SLC11A2: variants seen among roughly 807,000 people sequenced by gnomAD.
The protein encoded by SLC11A2 is natural resistance-associated macrophage protein 2.
In SLC11A2, 38 loss-of-function variants were observed where a neutral mutation model predicts 68.0. The ratio of observed to expected loss-of-function variants is 0.56; its 90% CI spans 0.43 to 0.73. SLC11A2 has a LOEUF of 0.73. SLC11A2 is among the 30% of genes least tolerant of loss of function. The pLI, the probability that SLC11A2 is intolerant of heterozygous loss-of-function variation, is 0.00. For missense variants in SLC11A2, 517 were observed against 690.5 expected (o/e 0.75, Z 2.82); for synonymous variants, 242 against 250.6 (o/e 0.97, Z 0.32).
intron 1 of SLC11A2, chr12:51,025,936 GCCC>G: frequency 2.0e-6 from 2 of 999,050 alleles, no homozygotes; most frequent in Non-Finnish European, 2.4e-6. Context: ...CTTGCCCTGT[GCCC>G]GTCGGCCTCT....
chr12:50,954,169 A>T, the SLC11A2 span: 1 of 847,796 alleles, frequency 1.2e-6, no homozygotes. Flanking sequence ...TGCGGATTGA[A>T]ATGTTTCTTA....
intron 15 of SLC11A2, among the ~76,000 whole-genome samples, chr12:50,989,645 G>A (rs1011955341): frequency 6.6e-6 from 1 of 152,120 alleles, no homozygotes; most frequent in African/African-American, 2.4e-5. Context: ...GACACATTCA[G>A]TTACTTGGTT....
Position 50,986,192 on chromosome 12 carries a change from AT to A in SLC11A2, c.*2132del. On this transcript the variant is annotated 3_prime_UTR_variant, in exon 16 of 16. Coordinates refer to ENST00000262052, the MANE Select transcript of SLC11A2 (RefSeq NM_000617.3). Reference sequence around the variant, plus strand: ...TCACATTTAAGAAGAACAAGAACCAATTTATATAAAGTACAATTGTATATCC... The same window carrying A: ...TCACATTTAAGAAGAACAAGAACCAATTATATAAAGTACAATTGTATATCC... 1 of 1,284,472 alleles carries A rather than the reference AT, an allele frequency of 7.8e-7. No homozygotes were observed. Among genetic ancestry groups the A allele is most frequent in the South Asian group, 1.2e-5 (1 of 80,824 alleles). The allele number at this position is 1,284,472 out of a possible 1,614,324, so 79.6% of individuals were successfully genotyped here. A position where few individuals can be genotyped will look rare whatever the true frequency, so the allele number is the denominator to read the frequency against.
intron 1 of SLC11A2, among the ~76,000 whole-genome samples, chr12:51,010,981 G>C (rs557430152): frequency 1.2e-4 from 19 of 152,284 alleles, no homozygotes; most frequent in African/African-American, 4.1e-4. Context: ...TTGCTGGCAA[G>C]ACTTCAAAAC....
chr12:50,983,561 G>C (rs1300985015), downstream of SLC11A2, among the ~76,000 whole-genome samples: 2 of 152,144 alleles, frequency 1.3e-5, no homozygotes, highest in South Asian at 2.1e-4. Flanking sequence ...AGTACAGCCA[G>C]GCACAGTGGC....
At chr12:50,969,690 A>G in the SLC11A2 span, among the ~76,000 whole-genome samples, 22,452 of 150,604 alleles carry the variant, frequency 0.15, 1,877 homozygotes, top group South Asian at 0.26. Context: ...TGACAAGAGC[A>G]AGACTCCATC....
At position 50,987,339 on chromosome 12, in the gene SLC11A2, G is replaced by A. The variant is rs886049561; in HGVS notation, c.*986C>T. The A allele has an allele frequency of 7.8e-7, 1 of 1,287,234 alleles. No homozygotes were observed. Among genetic ancestry groups the A allele is most frequent in the Admixed American group, 2.3e-5 (1 of 43,560 alleles). 79.7% of individuals were successfully genotyped at this position (1,287,234 alleles called of 1,614,324 possible). Reference sequence around the variant, plus strand: ...GAGATTGCCTCGCAAGTCATCTTGGGCATGAAGCAGAGCGGTGCATCAGAA... The same window carrying A: ...GAGATTGCCTCGCAAGTCATCTTGGACATGAAGCAGAGCGGTGCATCAGAA... On this transcript the variant is annotated 3_prime_UTR_variant, in exon 16 of 16. Coordinates refer to ENST00000262052, the MANE Select transcript of SLC11A2 (RefSeq NM_000617.3).
At chr12:51,018,427 G>A (rs1943813582) in intron 1 of SLC11A2, among the ~76,000 whole-genome samples, 1 of 148,504 alleles carries the variant, frequency 6.7e-6, no homozygotes, top group Non-Finnish European at 1.5e-5. Context: ...ACAGAAAACT[G>A]CCCCTAAGAA....
At chr12:50,993,765 T>C (rs145723461) in intron 11 of SLC11A2, among the ~76,000 whole-genome samples, 3 of 151,180 alleles carry the variant, frequency 2.0e-5, no homozygotes, top group African/African-American at 7.3e-5. Context: ...AAGGCAGAGA[T>C]TGCAGTGAGC....
intron 3 of SLC11A2, among the ~76,000 whole-genome samples, chr12:51,007,855 G>T (rs1274718341): frequency 6.6e-6 from 1 of 151,816 alleles, no homozygotes; most frequent in African/African-American, 2.4e-5. Context: ...TGGCCAGGCG[G>T]GTCTTAAACT....
chr12:50,992,636 T>A (rs199710497), intron 12 of SLC11A2, among the ~76,000 whole-genome samples, 174 bp downstream of exon 12: 1 of 147,942 alleles, frequency 6.8e-6, no homozygotes, highest in African/African-American at 2.5e-5. Flanking sequence ...GGAGGCTGAG[T>A]CAGGAGAATC....
chr12:51,004,728 G>A (rs41439649), intron 5 of SLC11A2, 60 bp downstream of exon 5: 216,567 of 1,595,564 alleles, frequency 0.14, 15,879 homozygotes, highest in South Asian at 0.17. Context: ...AGCACATACC[G>A]CCAGACACAC....
chr12:51,005,296 G>A lies in SLC11A2; in HGVS notation c.309+15C>T. On this transcript the variant is annotated intron_variant, in intron 4 of 15. Transcript: ENST00000262052. ...TTATGTGCTTAAAAGGACAGGGGTAGGACTAGATGTTCACCTTAAATCCAG... is the reference window on the plus strand; with the variant it reads ...TTATGTGCTTAAAAGGACAGGGGTAAGACTAGATGTTCACCTTAAATCCAG... 1 of 1,613,400 alleles carries A rather than the reference G, an allele frequency of 6.2e-7. No individual in the cohort carries two copies. The highest frequency in any genetic ancestry group is 8.5e-7 in the Non-Finnish European group (1 of 1,179,494).
chr12:50,971,220 A>C, the SLC11A2 span, among the ~76,000 whole-genome samples: 1 of 152,072 alleles, frequency 6.6e-6, no homozygotes, highest in African/African-American at 2.4e-5. Flanking sequence ...CACCCTATCC[A>C]TGTCTTAATT....
intron 1 of SLC11A2, among the ~76,000 whole-genome samples, chr12:51,019,801 T>C (rs1943914796): frequency 6.6e-6 from 1 of 150,466 alleles, no homozygotes; most frequent in South Asian, 2.1e-4. Context: ...GCGTGTGCCA[T>C]GCCCTGCCAA....
intron 1 of SLC11A2, among the ~76,000 whole-genome samples, chr12:51,013,416 A>C (rs1450441557): frequency 1.3e-5 from 2 of 150,724 alleles, no homozygotes; most frequent in Non-Finnish European, 3.0e-5. Flanking sequence ...TCAGCCTCCG[A>C]AGTAGCTAGG....
chr12:51,019,554 A>G (rs1943894390), intron 1 of SLC11A2, among the ~76,000 whole-genome samples: 1 of 152,144 alleles, frequency 6.6e-6, no homozygotes, highest in Non-Finnish European at 1.5e-5. Context: ...TCACTTTTTT[A>G]AAATAAGAGA....
At chr12:51,027,772 T>C (rs1944447291), upstream of SLC11A2, among the ~76,000 whole-genome samples, 1 of 152,164 alleles carries the variant, frequency 6.6e-6, no homozygotes, top group South Asian at 2.1e-4. Context: ...TTAAAGGTAA[T>C]TGAGCTTCTT....
chr12:50,996,554 C>A, intron 9 of SLC11A2, among the ~76,000 whole-genome samples: 1 of 146,634 alleles, frequency 6.8e-6, no homozygotes, highest in East Asian at 2.0e-4. Context: ...CCAGCCTGGG[C>A]AATAGAGTGA....
Sources: gnomAD v4.1 joint callset for allele counts (sites outside exome capture counted in the v4.1 genomes callset) on GRCh38, gnomAD v4.1.1 for gene constraint, MANE v1.5 for transcripts, NCBI Gene and HGNC (gene_info 2026-07-23, HGNC 2026-07-21) for gene names.